The following HECW2 variants were observed in gnomAD, a reference collection of about 807,000 sequenced individuals.
The protein encoded by HECW2 is E3 ubiquitin-protein ligase HECW2.
Under a neutral mutation model 175.2 loss-of-function variants are expected in HECW2, and 61 were observed. The observed-to-expected ratio is 0.35, with a 90% CI of 0.28 to 0.43. The LOEUF (loss-of-function observed/expected upper bound fraction) is 0.43, where lower values mean the gene tolerates loss of function less well. Ranked by LOEUF, HECW2 falls within the 20% of genes least tolerant of loss-of-function variation. The pLI is 1.00. For missense variants in HECW2, 1,524 were observed against 2,000.5 expected (o/e 0.76, Z 4.54); for synonymous variants, 671 against 731.0 (o/e 0.92, Z 1.32).
At chr2:196,253,864 T>C in intron 19 of HECW2, 56 bp downstream of exon 19, 2 of 1,524,462 alleles carry the variant, frequency 1.3e-6, no homozygotes, top group Non-Finnish European at 1.8e-6. Context: ...GGATAGAACA[T>C]CTGGCTTGAA....
At chr2:196,561,624 C>A (rs1690004696) in intron 1 of HECW2, among the ~76,000 whole-genome samples, 1 of 152,118 alleles carries the variant, frequency 6.6e-6, no homozygotes. Flanking sequence ...TAAAATTTTT[C>A]TCTTTTGTAC....
chr2:196,551,159 T>TA (rs1050435781), intron 1 of HECW2, among the ~76,000 whole-genome samples: 2 of 152,128 alleles, frequency 1.3e-5, no homozygotes, highest in Admixed American at 1.3e-4. Flanking sequence ...ACAGACCAGA[T>TA]AAATAGCTCC....
intron 5 of HECW2, 54 bp from the exon 6 acceptor site, chr2:196,325,203 G>GAGGC: frequency 7.3e-7 from 1 of 1,377,482 alleles, no homozygotes; most frequent in Admixed American, 2.2e-5. Context: ...AGGAGGGAGG[G>GAGGC]AGGAAAGAAA....
intron 2 of HECW2, among the ~76,000 whole-genome samples, chr2:196,372,804 C>T (rs1011492852): frequency 3.9e-5 from 6 of 152,118 alleles, no homozygotes; most frequent in Non-Finnish European, 7.3e-5. Context: ...CTCATGTAAT[C>T]GGTTAACTAT....
intron 1 of HECW2, among the ~76,000 whole-genome samples, chr2:196,568,873 G>C (rs951922889): frequency 6.6e-6 from 1 of 152,168 alleles, no homozygotes; most frequent in East Asian, 1.9e-4. Context: ...TAACCTGGTC[G>C]CTGTAGCATC....
intron 2 of HECW2, among the ~76,000 whole-genome samples, chr2:196,417,826 C>G (rs1368608001): frequency 1.3e-5 from 2 of 152,122 alleles, no homozygotes; most frequent in Admixed American, 1.3e-4. Context: ...AGAATTTAAC[C>G]TCTAGATGTT....
chr2:196,433,090 G>A, intron 2 of HECW2, 42 bp downstream of exon 2: 5 of 1,533,804 alleles, frequency 3.3e-6, no homozygotes, highest in Non-Finnish European at 4.4e-6. Context: ...CTAAAAACTT[G>A]TATGCTCTGA....
At chr2:196,509,477 C>G (rs1275697263) in intron 1 of HECW2, among the ~76,000 whole-genome samples, 1 of 152,232 alleles carries the variant, frequency 6.6e-6, no homozygotes, top group Non-Finnish European at 1.5e-5. Context: ...GAGTCCCAAT[C>G]TTCTAATAGT....
intron 1 of HECW2, among the ~76,000 whole-genome samples, chr2:196,448,505 C>A (rs953302902): frequency 1.3e-5 from 2 of 152,122 alleles, no homozygotes; most frequent in African/African-American, 4.8e-5. Flanking sequence ...GGTTTATCCA[C>A]AAAATTTGGG....
chr2:196,402,197 T>A, intron 2 of HECW2, among the ~76,000 whole-genome samples: 1 of 39,852 alleles, frequency 2.5e-5, no homozygotes, highest in African/African-American at 1.1e-4. Context: ...TGAGACTCTG[T>A]CTCAAAAAAA....
chr2:196,418,848 A>C (rs1695330114), intron 2 of HECW2, among the ~76,000 whole-genome samples: 1 of 152,228 alleles, frequency 6.6e-6, no homozygotes, highest in South Asian at 2.1e-4. Flanking sequence ...ATATTTAAAA[A>C]ATTTTTTCAG....
chr2:196,542,677 T>C (rs1467337203), intron 1 of HECW2, among the ~76,000 whole-genome samples: 1 of 152,038 alleles, frequency 6.6e-6, no homozygotes, highest in East Asian at 1.9e-4. Flanking sequence ...GCAGTCCATG[T>C]ATACAAGCAG....
chr2:196,579,044 A>G (rs1690666287), intron 1 of HECW2, among the ~76,000 whole-genome samples: 1 of 152,148 alleles, frequency 6.6e-6, no homozygotes, highest in Non-Finnish European at 1.5e-5. Context: ...TATAATGTAT[A>G]AAGATGTAAT....
At chr2:196,328,921 T>C (rs1230150653) in intron 5 of HECW2, among the ~76,000 whole-genome samples, 3 of 152,202 alleles carry the variant, frequency 2.0e-5, no homozygotes, top group Admixed American at 1.3e-4. Context: ...ATGTATATTA[T>C]TGTATATGAA....
rs1283216310 is a variant in HECW2, at chr2:196,453,867, G to A, written c.-35-20409C>T. ...GAAACTTCAAAAACAAAATTGTGAC[G>A]TGGAGCTTCATGAAAAGCTCCATGT... On this transcript the variant is annotated intron_variant, in intron 1 of 28. Coordinates refer to ENST00000644978, the MANE Select transcript of HECW2 (RefSeq NM_001348768.2). Among the ~76,000 whole-genome samples, 4 of 152,220 alleles carry A rather than the reference G, an allele frequency of 2.6e-5. No individual in the cohort carries two copies. In the East Asian group the frequency reaches 5.8e-4, roughly 22 times the overall value.
At chr2:196,345,359 C>T (rs2105836340) in intron 2 of HECW2, among the ~76,000 whole-genome samples, 1 of 152,312 alleles carries the variant, frequency 6.6e-6, no homozygotes, top group South Asian at 2.1e-4. Context: ...ACAATGTGCC[C>T]TGTTAAAAAT....
In HECW2 at chr2:196,365,191, G is replaced by A. The variant is rs571249954; in HGVS notation, c.293-21427C>T. Among the ~76,000 whole-genome samples, 431 of 152,282 alleles carry A rather than the reference G, an allele frequency of 2.8e-3. 2 individuals carry two copies. Among genetic ancestry groups the A allele is most frequent in the South Asian group, 7.5e-3 (36 of 4,824 alleles). On this transcript the variant is annotated intron_variant, in intron 2 of 28. Coordinates refer to ENST00000644978, the MANE Select transcript of HECW2 (RefSeq NM_001348768.2). ...TAAAGTAGCTCATTCCCCAAAGCTC[G>A]CAGAATATTTATTGCAAGTAAAGCA...
intron 2 of HECW2, among the ~76,000 whole-genome samples, chr2:196,345,461 G>A (rs1457613750): frequency 6.6e-6 from 1 of 152,176 alleles, no homozygotes; most frequent in Non-Finnish European, 1.5e-5. Context: ...GGAACCCTAT[G>A]GAAAACTGTA....
At chr2:196,495,072 CT>C (rs113446687) in intron 1 of HECW2, among the ~76,000 whole-genome samples, 447 of 143,850 alleles carry the variant, frequency 3.1e-3, no homozygotes, top group Admixed American at 4.1e-3. Context: ...ATATATCATT[CT>C]TTTTTTTTTT....
Sources: allele counts gnomAD v4.1 joint callset (sites outside exome capture counted in the v4.1 genomes callset), GRCh38; gene constraint gnomAD v4.1.1; transcripts MANE v1.5; gene names NCBI Gene and HGNC (gene_info 2026-07-23, HGNC 2026-07-21).